HTT: variants seen among roughly 807,000 people sequenced by gnomAD.
HTT encodes the protein huntingtin, also known as huntington disease protein.
Under a neutral mutation model 362.3 loss-of-function variants are expected in HTT, and 104 were observed. The observed-to-expected ratio is 0.29, with a 90% confidence interval of 0.24 to 0.34. The LOEUF (loss-of-function observed/expected upper bound fraction) is 0.34, where lower values mean the gene tolerates loss of function less well. Among genes scored for constraint, HTT ranks in the 10% least tolerant of loss-of-function variants. HTT has a pLI of 1.00. For synonymous variants in HTT, 1,577 were observed against 1,548.7 expected (o/e 1.02, Z -0.43); for missense variants, 3,301 against 3,928.6 (o/e 0.84, Z 4.27).
In HTT at chr4:3,222,378, T is replaced by C. The variant is rs765902385; in HGVS notation, c.7370-9T>C. 2 of 1,611,756 alleles carry C rather than the reference T, an allele frequency of 1.2e-6. No homozygotes were observed. Among genetic ancestry groups the C allele is most frequent in the Admixed American group, 1.7e-5 (1 of 60,004 alleles). On this transcript the variant is annotated splice_polypyrimidine_tract_variant and intron_variant, in intron 53 of 66. Coordinates refer to ENST00000355072, the MANE Select transcript of HTT (RefSeq NM_001388492.1). Reference sequence around the variant, plus strand: ...TTGACACTCTCTCATGTAACATTTATATTTCTAGGCTGGACCAGTCGTACT... The same window carrying C: ...TTGACACTCTCTCATGTAACATTTACATTTCTAGGCTGGACCAGTCGTACT...
At position 3,182,345 on chromosome 4, in the gene HTT, C is replaced by G. The variant is rs1718565099; in HGVS notation, c.4750-9C>G. 1 of 1,585,742 alleles carries G rather than the reference C, an allele frequency of 6.3e-7. No homozygotes were observed. The highest frequency in any genetic ancestry group is 1.3e-5 in the African/African-American group (1 of 74,308). ...GCAGCAGACTTTCTAATTGTGCACG[C>G]TCTTATAGGTGTTGGAGATGTTCAT... On this transcript the variant is annotated splice_polypyrimidine_tract_variant and intron_variant, in intron 36 of 66. Transcript: ENST00000355072.
At chr4:3,189,587 T>C (rs920571761) in intron 40 of HTT, among the ~76,000 whole-genome samples, 11 of 152,190 alleles carry the variant, frequency 7.2e-5, no homozygotes, top group African/African-American at 2.7e-4. Flanking sequence ...TTCATAGATA[T>C]AGAAAGTAGA....
chr4:3,120,132 T>C (rs1578514136), intron 8 of HTT, among the ~76,000 whole-genome samples: 1 of 152,206 alleles, frequency 6.6e-6, no homozygotes, highest in Admixed American at 6.5e-5. Flanking sequence ...TATACTCTTC[T>C]ACACTGTCTG....
In HTT at chr4:3,121,449, G is replaced by A; in HGVS notation, c.1273+17G>A. On this transcript the variant is annotated intron_variant, in intron 9 of 66. Coordinates refer to ENST00000355072, the MANE Select transcript of HTT (RefSeq NM_001388492.1). ...AACTTATAGGCAAGTTATTAGCAAG[G>A]TCTACTCTTACAATTAACTTTGCAG... 1 of 1,567,054 alleles carries A rather than the reference G, an allele frequency of 6.4e-7. No individual in the cohort carries two copies. The highest frequency in any genetic ancestry group is 1.1e-5 in the South Asian group (1 of 89,860).
intron 29 of HTT, among the ~76,000 whole-genome samples, chr4:3,165,971 C>T (rs996983249): frequency 6.6e-6 from 1 of 152,046 alleles, no homozygotes; most frequent in African/African-American, 2.4e-5. Flanking sequence ...GAGTTGTGAT[C>T]CTTTGGAGGA....
chr4:3,209,648 G>T (rs1720045043), intron 46 of HTT, among the ~76,000 whole-genome samples, 179 bp from the exon 47 acceptor site: 1 of 151,808 alleles, frequency 6.6e-6, no homozygotes, highest in Admixed American at 6.5e-5. Flanking sequence ...GCAGGTAACA[G>T]AAGTCCAAAG....
chr4:3,104,206 T>C (rs547696104), intron 4 of HTT, among the ~76,000 whole-genome samples: 1 of 152,148 alleles, frequency 6.6e-6, no homozygotes, highest in South Asian at 2.1e-4. Flanking sequence ...CAACCGAACT[T>C]TGGGCTGGTC....
chr4:3,079,324 G>A (rs1274647557), intron 1 of HTT, among the ~76,000 whole-genome samples: 4 of 143,716 alleles, frequency 2.8e-5, no homozygotes, highest in Non-Finnish European at 4.5e-5. Context: ...TATCACTATC[G>A]TAGCTCACTT....
chr4:3,220,975 A>G (rs1720646022), intron 53 of HTT, among the ~76,000 whole-genome samples: 2 of 152,248 alleles, frequency 1.3e-5, no homozygotes, highest in Non-Finnish European at 1.5e-5. Flanking sequence ...TTATTTCTAA[A>G]TAAGTGTCTA....
intron 29 of HTT, among the ~76,000 whole-genome samples, chr4:3,162,307 G>T (rs777540884): frequency 1.3e-5 from 2 of 152,208 alleles, no homozygotes; most frequent in Non-Finnish European, 2.9e-5. Flanking sequence ...CCAGTACCAT[G>T]CAGTTTTGGT....
chr4:3,137,908 C>G (rs536872267), intron 21 of HTT, among the ~76,000 whole-genome samples: 1 of 152,136 alleles, frequency 6.6e-6, no homozygotes, highest in Non-Finnish European at 1.5e-5. Flanking sequence ...TTATAGAGTT[C>G]ATGTTTTGGC....
intron 47 of HTT, among the ~76,000 whole-genome samples, chr4:3,210,904 C>CTTTTTTTTTTTTTTTTTTTTTTTT: frequency 8.1e-6 from 1 of 122,732 alleles, no homozygotes. Flanking sequence ...AATTGTTTAT[C>CTTTTTTTTTTTTTTTTTTTTTTTT]TTTTTTTTTT....
chr4:3,089,204 G>A (rs1317197032), intron 2 of HTT, among the ~76,000 whole-genome samples: 1 of 152,132 alleles, frequency 6.6e-6, no homozygotes, highest in Non-Finnish European at 1.5e-5. Context: ...AGCCACCTGA[G>A]CGGGAAGCGT....
chr4:3,229,640 T>C (rs1190081962), intron 59 of HTT, among the ~76,000 whole-genome samples: 11 of 149,514 alleles, frequency 7.4e-5, no homozygotes, highest in Admixed American at 7.3e-4. Flanking sequence ...ACACACCACA[T>C]GCGCACACAC....
chr4:3,190,160 A>T (rs186882789), intron 40 of HTT, among the ~76,000 whole-genome samples: 1 of 152,086 alleles, frequency 6.6e-6, no homozygotes, highest in African/African-American at 2.4e-5. Context: ...CCTGAGCAAC[A>T]TATCGAGACC....
At chr4:3,145,654 T>G (rs2110203275) in intron 24 of HTT, among the ~76,000 whole-genome samples, 1 of 152,378 alleles carries the variant, frequency 6.6e-6, no homozygotes, top group Admixed American at 6.5e-5. Flanking sequence ...TAAAAATGAT[T>G]TTCCTCCAGT....
chr4:3,170,726 C>T (rs1000170412), intron 29 of HTT, among the ~76,000 whole-genome samples: 2 of 152,192 alleles, frequency 1.3e-5, no homozygotes, highest in African/African-American at 4.8e-5. Flanking sequence ...TTGGGGCAGC[C>T]ATAGGGCTGA....
chr4:3,130,070 G>T, intron 13 of HTT, 23 bp downstream of exon 13: 1 of 1,565,906 alleles, frequency 6.4e-7, no homozygotes, highest in Non-Finnish European at 8.6e-7. Flanking sequence ...CAGGTGATGC[G>T]CTACAAAGTG....
chr4:3,238,872 A>T lies in HTT; in HGVS notation c.9109A>T (p.Met3037Leu). The change falls in exon 66 of 67, where the codon ATG becomes TTG. Residue 3037 changes from methionine (M) to leucine (L), a missense_variant. Physicochemically the swap from Met to Leu is conservative, Grantham distance 15 (BLOSUM62 2). This residue lies in a region of HTT where 753 missense variants were observed against 1,021.3 expected (regional missense o/e 0.74). Coordinates refer to ENST00000355072, the MANE Select transcript of HTT (RefSeq NM_001388492.1). ...GQSSMVRDWV[M>L]LSLSNFTQRA... ...GTCGTCCATGGTCCGGGACTGGGTC[A>T]TGCTGTCCCTCTCCAACTTCACGCA... The T allele has an allele frequency of 6.2e-7, 1 of 1,612,838 alleles. No individual in the cohort carries two copies. Among genetic ancestry groups the T allele is most frequent in the Non-Finnish European group, 8.5e-7 (1 of 1,179,916 alleles).
Sources: gnomAD v4.1 joint callset for allele counts (sites outside exome capture counted in the v4.1 genomes callset) on GRCh38, gnomAD v4.1.1 for gene constraint, gnomAD v4.1.1 regional missense constraint, MANE v1.5 for transcripts, NCBI Gene and HGNC (gene_info 2026-07-23, HGNC 2026-07-21) for gene names.